CDH18: variants seen among roughly 807,000 people sequenced by gnomAD.
CDH18 encodes the protein cadherin-18.
Under a neutral mutation model 67.9 loss-of-function variants are expected in CDH18, and 31 were observed. The ratio of observed to expected loss-of-function variants is 0.46; its 90% confidence interval spans 0.34 to 0.62. The LOEUF (loss-of-function observed/expected upper bound fraction) is 0.62, where lower values mean the gene tolerates loss of function less well. Ranked by LOEUF, CDH18 falls within the 20% of genes least tolerant of loss-of-function variation. The pLI is 0.01. For missense variants in CDH18, 890 were observed against 975.5 expected (o/e 0.91, Z 1.17); for synonymous variants, 362 against 347.2 (o/e 1.04, Z -0.48).
At chr5:20,204,178 T>C (rs978280741) in intron 2 of CDH18, among the ~76,000 whole-genome samples, 1 of 151,990 alleles carries the variant, frequency 6.6e-6, no homozygotes, top group Non-Finnish European at 1.5e-5. Context: ...CCCACTAAGA[T>C]AATCTCAAAG....
chr5:19,920,546 C>T (rs1312812152), intron 2 of CDH18, among the ~76,000 whole-genome samples: 1 of 148,020 alleles, frequency 6.8e-6, no homozygotes, highest in African/African-American at 2.5e-5. Flanking sequence ...CGGTGTCTTG[C>T]CCTGTCGCCT....
intron 2 of CDH18, among the ~76,000 whole-genome samples, chr5:19,839,816 A>G (rs1023596347): frequency 6.6e-6 from 1 of 152,194 alleles, no homozygotes. Context: ...CTTCACACAC[A>G]GACAAGGCAG....
rs73761834 is a variant in CDH18, at chr5:19,824,672, C to T, written c.228+14087G>A. On this transcript the variant is annotated intron_variant, in intron 3 of 12. Transcript: ENST00000382275. ...GAGTAGTAAGATTGCTTCACTCCTCCTAGCTGGATGGGGCTTCACACCAGC... is the reference window on the plus strand; with the variant it reads ...GAGTAGTAAGATTGCTTCACTCCTCTTAGCTGGATGGGGCTTCACACCAGC... 9.0e-3 allele frequency among the ~76,000 whole-genome samples: 1,373 copies of T among 152,282 alleles called. 23 individuals carry two copies. Among genetic ancestry groups the T allele is most frequent in the African/African-American group, 0.031 (1,299 of 41,562 alleles).
chr5:19,934,093 C>T (rs1039834623), intron 2 of CDH18, among the ~76,000 whole-genome samples: 1 of 150,676 alleles, frequency 6.6e-6, no homozygotes, highest in African/African-American at 2.4e-5. Context: ...CTTGTAAATC[C>T]TAGTACTTAG....
At chr5:19,821,668 T>G (rs1034827396) in intron 3 of CDH18, among the ~76,000 whole-genome samples, 7 of 152,056 alleles carry the variant, frequency 4.6e-5, no homozygotes, top group African/African-American at 1.7e-4. Flanking sequence ...TCATCAGGGT[T>G]TCCAAGGTCA....
chr5:20,460,563 T>C (rs1019561767), intron 1 of CDH18, among the ~76,000 whole-genome samples: 3 of 152,070 alleles, frequency 2.0e-5, no homozygotes, highest in African/African-American at 7.2e-5. Flanking sequence ...TACTGCTCCT[T>C]GGTGATATGA....
At chr5:20,331,918 A>T (rs574485410) in intron 1 of CDH18, among the ~76,000 whole-genome samples, 1 of 152,218 alleles carries the variant, frequency 6.6e-6, no homozygotes, top group Non-Finnish European at 1.5e-5. Context: ...GGAAGAGAAT[A>T]TTACAGAGTG....
At chr5:20,011,439 C>G (rs1261218221) in intron 2 of CDH18, among the ~76,000 whole-genome samples, 1 of 152,060 alleles carries the variant, frequency 6.6e-6, no homozygotes, top group Non-Finnish European at 1.5e-5. Flanking sequence ...ATTTGAATGC[C>G]CTTTATTTCT....
intron 1 of CDH18, among the ~76,000 whole-genome samples, chr5:20,318,024 G>T: frequency 6.6e-6 from 1 of 152,120 alleles, no homozygotes; most frequent in African/African-American, 2.4e-5. Context: ...CTGGAGTAAT[G>T]AAAACTATAT....
intron 1 of CDH18, among the ~76,000 whole-genome samples, chr5:20,475,795 C>G (rs1383129035): frequency 6.6e-6 from 1 of 152,036 alleles, no homozygotes; most frequent in South Asian, 2.1e-4. Context: ...AGGGTTCAGT[C>G]AGGGGAAAAT....
At chr5:20,350,978 A>G (rs1161586106) in intron 1 of CDH18, among the ~76,000 whole-genome samples, 5 of 144,776 alleles carry the variant, frequency 3.5e-5, no homozygotes, top group African/African-American at 1.4e-4. Flanking sequence ...GGAAAAGTAA[A>G]AAAAAAAGGA....
At chr5:20,352,720 G>A (rs1741303944) in intron 1 of CDH18, among the ~76,000 whole-genome samples, 1 of 151,882 alleles carries the variant, frequency 6.6e-6, no homozygotes. Flanking sequence ...GTGAACCTAG[G>A]AGGCAGAGCT....
At chr5:20,335,586 C>A (rs970439019) in intron 1 of CDH18, among the ~76,000 whole-genome samples, 168 of 152,222 alleles carry the variant, frequency 1.1e-3, no homozygotes, top group African/African-American at 3.8e-3. Context: ...CCCAGGGACA[C>A]CTTAGCTTTG....
chr5:20,182,484 C>T (rs1319886667), intron 2 of CDH18, among the ~76,000 whole-genome samples: 1 of 151,296 alleles, frequency 6.6e-6, no homozygotes, highest in African/African-American at 2.4e-5. Context: ...TGCCTATAAT[C>T]CCAGCTACTC....
chr5:19,919,888 G>T (rs974079728), intron 2 of CDH18, among the ~76,000 whole-genome samples: 8 of 152,162 alleles, frequency 5.3e-5, no homozygotes, highest in Non-Finnish European at 1.0e-4. Context: ...AGAAGAGGCA[G>T]TCCTGCAAAA....
intron 3 of CDH18, 31 bp from the exon 4 acceptor site, chr5:19,747,267 A>G: frequency 6.4e-7 from 1 of 1,553,108 alleles, no homozygotes; most frequent in Non-Finnish European, 8.8e-7. Flanking sequence ...AATTTAGCAT[A>G]TATTTATATT....
chr5:19,763,890 T>C (rs904857060), intron 3 of CDH18, among the ~76,000 whole-genome samples: 1 of 150,022 alleles, frequency 6.7e-6, no homozygotes, highest in Non-Finnish European at 1.5e-5. Flanking sequence ...GGCTCACACC[T>C]GTAATCCCAA....
At chr5:19,842,601 A>G (rs1391668614) in intron 2 of CDH18, among the ~76,000 whole-genome samples, 1 of 152,212 alleles carries the variant, frequency 6.6e-6, no homozygotes, top group African/African-American at 2.4e-5. Context: ...TTATAGCAGC[A>G]TGAAAATAAA....
intron 2 of CDH18, among the ~76,000 whole-genome samples, chr5:20,059,809 G>A (rs568362244): frequency 6.6e-6 from 1 of 152,276 alleles, no homozygotes; most frequent in African/African-American, 2.4e-5. Flanking sequence ...AAAAGAATGA[G>A]TTTATGTCCT....
Sources: allele counts gnomAD v4.1 joint callset (sites outside exome capture counted in the v4.1 genomes callset), GRCh38; gene constraint gnomAD v4.1.1; transcripts MANE v1.5; gene names NCBI Gene and HGNC (gene_info 2026-07-23, HGNC 2026-07-21).